Variants in DTNA observed in about 807,000 individuals in gnomAD.
The protein encoded by DTNA is dystrophin-related protein 3.
DTNA carries 43 observed loss-of-function variants against 100.7 expected under a neutral mutation model. The observed-to-expected ratio is 0.43, with a 90% CI of 0.33 to 0.55. The LOEUF is 0.55. Ranked by LOEUF, DTNA falls within the 20% of genes least tolerant of loss-of-function variation. The pLI is 0.04. For missense variants in DTNA, 798 were observed against 953.9 expected (o/e 0.84, Z 2.15); for synonymous variants, 349 against 347.9 (o/e 1.00, Z -0.04).
intron 1 of DTNA, among the ~76,000 whole-genome samples, chr18:34,717,664 C>A (rs2084327766): frequency 6.6e-6 from 1 of 152,050 alleles, no homozygotes; most frequent in South Asian, 2.1e-4. Flanking sequence ...TTCAGGAAAT[C>A]CTTGGAGTAT....
chr18:34,565,980 A>G (rs975904520), intron 1 of DTNA, among the ~76,000 whole-genome samples: 2 of 152,214 alleles, frequency 1.3e-5, no homozygotes, highest in South Asian at 2.1e-4. Flanking sequence ...CATTGACACC[A>G]AAATGCCTGG....
intron 2 of DTNA, among the ~76,000 whole-genome samples, chr18:34,762,267 A>G (rs1175868766): frequency 6.6e-6 from 1 of 152,228 alleles, no homozygotes; most frequent in East Asian, 1.9e-4. Context: ...TTTCAGCAAG[A>G]TATTGACCAA....
intron 1 of DTNA, among the ~76,000 whole-genome samples, chr18:34,684,392 T>G (rs2078571869): frequency 6.6e-6 from 1 of 152,114 alleles, no homozygotes; most frequent in Admixed American, 6.6e-5. Context: ...AGTGAGAACA[T>G]GTGGTCTTTG....
intron 3 of DTNA, among the ~76,000 whole-genome samples, chr18:34,767,849 A>G (rs2093569969): frequency 6.6e-6 from 1 of 152,236 alleles, no homozygotes; most frequent in Non-Finnish European, 1.5e-5. Context: ...CATTCAAACC[A>G]TAGCATTGGT....
At chr18:34,743,018 A>T (rs2090985367) in intron 1 of DTNA, among the ~76,000 whole-genome samples, 1 of 152,138 alleles carries the variant, frequency 6.6e-6, no homozygotes, top group Non-Finnish European at 1.5e-5. Flanking sequence ...AATTAGAGCC[A>T]TGGCTCTCTT....
At chr18:34,701,835 G>A (rs1249271005) in intron 1 of DTNA, among the ~76,000 whole-genome samples, 5 of 152,142 alleles carry the variant, frequency 3.3e-5, no homozygotes, top group African/African-American at 1.2e-4. Context: ...TGTTTCAAAT[G>A]TGTCGCTTGT....
At chr18:34,606,779 T>C (rs2053206517) in intron 1 of DTNA, among the ~76,000 whole-genome samples, 1 of 152,074 alleles carries the variant, frequency 6.6e-6, no homozygotes, top group South Asian at 2.1e-4. Context: ...AGCAAGGATA[T>C]GAAAGGGCAT....
At chr18:34,690,212 C>G (rs1272744728) in intron 1 of DTNA, among the ~76,000 whole-genome samples, 1 of 152,206 alleles carries the variant, frequency 6.6e-6, no homozygotes, top group Admixed American at 6.5e-5. Context: ...ACTCCTGCAG[C>G]TAGCTTGGTG....
chr18:34,686,782 T>C (rs1568219410), intron 1 of DTNA, among the ~76,000 whole-genome samples: 1 of 151,976 alleles, frequency 6.6e-6, no homozygotes. Context: ...TTTCTGTTGG[T>C]GGTGGTGGTG....
intron 11 of DTNA, among the ~76,000 whole-genome samples, chr18:34,833,404 CTGTGTGTG>C (rs58409064): frequency 1.4e-5 from 2 of 144,900 alleles, no homozygotes; most frequent in Non-Finnish European, 3.1e-5. Context: ...CATTGTGTCA[CTGTGTGTG>C]TGTGTGTGTG....
At chr18:34,687,952 A>T (rs1447413236) in intron 1 of DTNA, among the ~76,000 whole-genome samples, 2 of 151,470 alleles carry the variant, frequency 1.3e-5, no homozygotes, top group Non-Finnish European at 2.9e-5. Context: ...AGAGACGAGG[A>T]TTGCAACTTC....
chr18:34,557,273 A>AT (rs1325163660), intron 1 of DTNA, among the ~76,000 whole-genome samples: 1 of 139,292 alleles, frequency 7.2e-6, no homozygotes, highest in African/African-American at 2.8e-5. Context: ...ATTCTTCTAA[A>AT]TTTTTTTCAA....
chr18:34,684,256 G>A (rs774181398), intron 1 of DTNA, among the ~76,000 whole-genome samples: 1 of 152,006 alleles, frequency 6.6e-6, no homozygotes, highest in African/African-American at 2.4e-5. Context: ...CCATCAACCC[G>A]TCATCTACAT....
At chr18:34,738,170 G>T (rs887435863) in intron 1 of DTNA, among the ~76,000 whole-genome samples, 1 of 152,116 alleles carries the variant, frequency 6.6e-6, no homozygotes, top group Non-Finnish European at 1.5e-5. Flanking sequence ...CTGGGGGCCA[G>T]GTGGCTTGGA....
chr18:34,754,212 C>T (rs145437539), intron 1 of DTNA, among the ~76,000 whole-genome samples: 155 of 152,278 alleles, frequency 1.0e-3, no homozygotes, highest in Middle Eastern at 3.4e-3. Context: ...ATTTGATAAA[C>T]ATCACTTTTA....
At chr18:34,845,097 A>G (rs979576257) in intron 13 of DTNA, among the ~76,000 whole-genome samples, 1 of 152,188 alleles carries the variant, frequency 6.6e-6, no homozygotes, top group African/African-American at 2.4e-5. Context: ...TATTTATTTT[A>G]ATGATTTAGG....
At chr18:34,841,953 AAAT>A in intron 13 of DTNA, among the ~76,000 whole-genome samples, 2 of 152,186 alleles carry the variant, frequency 1.3e-5, no homozygotes, top group Non-Finnish European at 2.9e-5. Context: ...CAGATAAGTC[AAAT>A]AAATAAACTG....
intron 3 of DTNA, among the ~76,000 whole-genome samples, chr18:34,780,309 T>G (rs1396560353): frequency 3.3e-5 from 5 of 152,206 alleles, no homozygotes; most frequent in Admixed American, 3.3e-4. Flanking sequence ...TAAAGAGCCT[T>G]ACTTCTAACT....
At chr18:34,518,348 T>C (rs955661187) in intron 1 of DTNA, among the ~76,000 whole-genome samples, 1 of 152,130 alleles carries the variant, frequency 6.6e-6, no homozygotes, top group African/African-American at 2.4e-5. Context: ...GGTTTGCAAA[T>C]AGTTTCTTTC....
Sources: allele counts gnomAD v4.1 joint callset (sites outside exome capture counted in the v4.1 genomes callset), GRCh38; gene constraint gnomAD v4.1.1; transcripts MANE v1.5; gene names NCBI Gene and HGNC (gene_info 2026-07-23, HGNC 2026-07-21).